The following CSGALNACT1 variants were observed in gnomAD, a reference collection of about 807,000 sequenced individuals.
The protein encoded by CSGALNACT1 is chondroitin sulfate N-acetylgalactosaminyltransferase 1.
CSGALNACT1 carries 52 observed loss-of-function variants against 51.0 expected under a neutral mutation model. That is an observed-to-expected ratio of 1.02 (90% CI 0.82 to 1.29). CSGALNACT1 has a LOEUF of 1.29. CSGALNACT1 is among the 50% of genes most tolerant of loss of function. The pLI is 0.00. For missense variants in CSGALNACT1, 935 were observed against 679.2 expected, an observed-to-expected ratio of 1.38 and a Z score of -4.19; for synonymous variants, 341 against 254.4, an observed-to-expected ratio of 1.34 and a Z score of -3.24.
At chr8:19,543,837 A>C (rs137879051) in intron 3 of CSGALNACT1, among the ~76,000 whole-genome samples, 1 of 152,320 alleles carries the variant, frequency 6.6e-6, no homozygotes, top group African/African-American at 2.4e-5. Context: ...TAGGACTCAA[A>C]ATGTAGATGG....
At chr8:19,645,121 T>C (rs2057138550) in intron 1 of CSGALNACT1, among the ~76,000 whole-genome samples, 1 of 152,202 alleles carries the variant, frequency 6.6e-6, no homozygotes, top group Admixed American at 6.5e-5. Context: ...AGCAAAACAT[T>C]ATAATTAATT....
chr8:19,613,447 A>G (rs2052583385), intron 1 of CSGALNACT1, among the ~76,000 whole-genome samples: 1 of 152,198 alleles, frequency 6.6e-6, no homozygotes, highest in Non-Finnish European at 1.5e-5. Context: ...CCATGCGCAC[A>G]CTATTTTCTA....
intron 1 of CSGALNACT1, among the ~76,000 whole-genome samples, chr8:19,613,876 C>A (rs2052635988): frequency 6.6e-6 from 1 of 152,176 alleles, no homozygotes; most frequent in South Asian, 2.1e-4. Flanking sequence ...GGGGAGAACA[C>A]TTGTATACCA....
At chr8:19,748,691 G>T (rs539416603) in intron 1 of CSGALNACT1, among the ~76,000 whole-genome samples, 1 of 152,272 alleles carries the variant, frequency 6.6e-6, no homozygotes, top group South Asian at 2.1e-4. Flanking sequence ...TAGGCTGAGC[G>T]CAGTGGCTCA....
At chr8:19,565,083 G>A (rs2041624564) in intron 3 of CSGALNACT1, among the ~76,000 whole-genome samples, 1 of 152,170 alleles carries the variant, frequency 6.6e-6, no homozygotes, top group Non-Finnish European at 1.5e-5. Flanking sequence ...GAAGTTTGAA[G>A]GTTACAAGCA....
At position 19,468,899 on chromosome 8, in the gene CSGALNACT1, G is replaced by A. The variant is rs1035851351; in HGVS notation, c.635-10257C>T. ...GAAGAGTCTGTAGATTAAGAAGAAT[G>A]AGCTCAGGATGCAGGCTCAGGATAT... is the stretch of plus-strand genomic sequence containing the variant. On this transcript the variant is annotated intron_variant, in intron 4 of 9. Transcript: ENST00000454498. Among the ~76,000 whole-genome samples, 6 of 152,262 alleles carry A rather than the reference G, an allele frequency of 3.9e-5. No homozygotes were observed. The South Asian group carries it at 6.2e-4, about 16-fold the overall frequency.
At chr8:19,689,708 T>C (rs937005669) in intron 1 of CSGALNACT1, among the ~76,000 whole-genome samples, 1 of 152,218 alleles carries the variant, frequency 6.6e-6, no homozygotes, top group African/African-American at 2.4e-5. Context: ...GAGTCACTCA[T>C]GCTAAAGTTC....
At chr8:19,709,575 G>A (rs990674258) in intron 1 of CSGALNACT1, among the ~76,000 whole-genome samples, 1 of 152,232 alleles carries the variant, frequency 6.6e-6, no homozygotes, top group African/African-American at 2.4e-5. Context: ...AGAGGGAACA[G>A]CAAGTGCTCC....
At chr8:19,596,143 T>C (rs1283760282) in intron 2 of CSGALNACT1, among the ~76,000 whole-genome samples, 2 of 152,230 alleles carry the variant, frequency 1.3e-5, no homozygotes, top group South Asian at 2.1e-4. Context: ...GTTGAGATTA[T>C]AGGTGTGAGC....
At chr8:19,437,237 G>A (rs970506009) in intron 6 of CSGALNACT1, among the ~76,000 whole-genome samples, 3 of 152,212 alleles carry the variant, frequency 2.0e-5, no homozygotes, top group African/African-American at 4.8e-5. Context: ...GAGTGATGGG[G>A]GTTGAGGTTT....
At chr8:19,581,389 A>G (rs926600423) in intron 3 of CSGALNACT1, among the ~76,000 whole-genome samples, 1 of 152,200 alleles carries the variant, frequency 6.6e-6, no homozygotes, top group African/African-American at 2.4e-5. Flanking sequence ...GATAAAGTTC[A>G]AATAATGTCC....
At chr8:19,430,883 A>G (rs554389088) in intron 6 of CSGALNACT1, among the ~76,000 whole-genome samples, 2 of 152,270 alleles carry the variant, frequency 1.3e-5, no homozygotes, top group African/African-American at 2.4e-5. Flanking sequence ...AGTTTTCAGC[A>G]TAAAATTCTT....
intron 6 of CSGALNACT1, among the ~76,000 whole-genome samples, chr8:19,432,468 T>C (rs1194797692): frequency 6.6e-6 from 1 of 152,196 alleles, no homozygotes; most frequent in Admixed American, 6.5e-5. Context: ...ATTAATGTTT[T>C]CCATCAAATT....
intron 3 of CSGALNACT1, among the ~76,000 whole-genome samples, chr8:19,581,026 G>A (rs1038010003): frequency 6.6e-6 from 1 of 152,134 alleles, no homozygotes; most frequent in Non-Finnish European, 1.5e-5. Flanking sequence ...AAAAAGTAAT[G>A]TACGTGTAAC....
chr8:19,692,700 A>G (rs1009305561), intron 1 of CSGALNACT1, among the ~76,000 whole-genome samples: 1 of 152,176 alleles, frequency 6.6e-6, no homozygotes, highest in African/African-American at 2.4e-5. Flanking sequence ...GGAAATTTCC[A>G]TCTTCCTTCC....
chr8:19,452,497 A>T (rs1442988710), intron 5 of CSGALNACT1, among the ~76,000 whole-genome samples: 1 of 151,900 alleles, frequency 6.6e-6, no homozygotes, highest in African/African-American at 2.4e-5. Flanking sequence ...AAGATCTTTT[A>T]TCTGAAGAGT....
intron 1 of CSGALNACT1, among the ~76,000 whole-genome samples, chr8:19,648,525 T>G (rs1454288061): frequency 1.3e-5 from 2 of 152,232 alleles, no homozygotes; most frequent in Non-Finnish European, 2.9e-5. Context: ...GGAAACAACC[T>G]GGCTCGACAC....
At chr8:19,599,761 G>T (rs1262559927) in intron 2 of CSGALNACT1, among the ~76,000 whole-genome samples, 1 of 152,174 alleles carries the variant, frequency 6.6e-6, no homozygotes, top group Non-Finnish European at 1.5e-5. Flanking sequence ...TCCCAGAACT[G>T]CTCCTTACTT....
chr8:19,695,757 C>A (rs1178411859), intron 1 of CSGALNACT1, among the ~76,000 whole-genome samples: 1 of 152,168 alleles, frequency 6.6e-6, no homozygotes, highest in Non-Finnish European at 1.5e-5. Flanking sequence ...ATATCATGCA[C>A]ATGTTGTTTA....
Sources: gnomAD v4.1 joint callset for allele counts (sites outside exome capture counted in the v4.1 genomes callset) on GRCh38, gnomAD v4.1.1 for gene constraint, MANE v1.5 for transcripts, NCBI Gene and HGNC (gene_info 2026-07-23, HGNC 2026-07-21) for gene names.